The following TRPM7 variants were observed in gnomAD, a reference collection of about 807,000 sequenced individuals.
TRPM7 encodes the protein transient receptor potential cation channel subfamily M member 7.
In TRPM7, 134 loss-of-function variants were observed where a neutral mutation model predicts 229.7. The ratio of observed to expected loss-of-function variants is 0.58; its 90% CI spans 0.51 to 0.67. TRPM7 has a LOEUF of 0.67. Among genes scored for constraint, TRPM7 ranks in the 30% least tolerant of loss-of-function variants. The probability of loss-of-function intolerance (pLI) is 0.00; values close to 1 mark genes in which losing one functional copy is unlikely to be tolerated. For missense variants in TRPM7, 1,901 were observed against 2,210.0 expected (o/e 0.86, Z 2.80); for synonymous variants, 699 against 715.2 (o/e 0.98, Z 0.36).
chr15:50,681,294 A>ACACACACACACACACAC (rs1567131460), intron 1 of TRPM7, among the ~76,000 whole-genome samples: 1 of 101,912 alleles, frequency 9.8e-6, no homozygotes, highest in African/African-American at 5.3e-5. Context: ...CACACACACA[A>ACACACACACACACACAC]AGCATTCAGA....
chr15:50,597,450 G>C (rs1421283188), intron 22 of TRPM7, among the ~76,000 whole-genome samples: 1 of 152,152 alleles, frequency 6.6e-6, no homozygotes, highest in Non-Finnish European at 1.5e-5. Context: ...GGTTTTACGG[G>C]CAAATTAATG....
intron 3 of TRPM7, among the ~76,000 whole-genome samples, chr15:50,654,614 GCA>G (rs2061506840): frequency 6.6e-6 from 1 of 151,450 alleles, no homozygotes; most frequent in Non-Finnish European, 1.5e-5. Context: ...TAATGAGAGT[GCA>G]CATGGTGCAT....
intron 28 of TRPM7, among the ~76,000 whole-genome samples, chr15:50,583,720 G>A (rs983437964): frequency 6.6e-6 from 1 of 151,982 alleles, no homozygotes; most frequent in Admixed American, 6.6e-5. Flanking sequence ...GGCATTACAG[G>A]CATGTGCCAC....
chr15:50,581,124 A>C (rs961674142), intron 29 of TRPM7, among the ~76,000 whole-genome samples: 2 of 152,210 alleles, frequency 1.3e-5, no homozygotes, highest in African/African-American at 4.8e-5. Context: ...TGGAATAAAA[A>C]ATTCTGTTAT....
At chr15:50,583,219 T>C (rs1596096531) in intron 28 of TRPM7, 60 bp from the exon 29 acceptor site, 3 of 1,221,326 alleles carry the variant, frequency 2.5e-6, no homozygotes, top group East Asian at 2.4e-5. Context: ...GAATACCAAC[T>C]AACCAAACAC....
chr15:50,681,133 C>T (rs970497283), intron 1 of TRPM7, among the ~76,000 whole-genome samples: 2 of 152,088 alleles, frequency 1.3e-5, no homozygotes, highest in African/African-American at 4.8e-5. Flanking sequence ...TGCCTGTAAT[C>T]CCAGCTACTC....
chr15:50,596,162 AT>A, intron 23 of TRPM7, 92 bp downstream of exon 23: 1 of 903,796 alleles, frequency 1.1e-6, no homozygotes, highest in Non-Finnish European at 1.5e-6. Flanking sequence ...CCTCAATAAA[AT>A]TTTTAGATTT....
In TRPM7 at chr15:50,609,930, A is replaced by G; in HGVS notation, c.2312T>C (p.Ile771Thr). ...CTTAGTTTTATACTCTAACAGCAAT[A>G]TGGCAGGTGGAACTAAAATGCTTAG... ...VILSILVPPA[I>T]LLLEYKTKAE... The change falls in exon 18 of 39, where the codon ATA becomes ACA. Residue 771 changes from isoleucine to threonine, a missense_variant. Physicochemically the swap from Ile to Thr is moderately conservative, Grantham distance 89. Transcript: ENST00000646667. 6.2e-7 allele frequency: 1 copy of G among 1,609,032 alleles called. No individual in the cohort carries two copies. Among genetic ancestry groups the G allele is most frequent in the Non-Finnish European group, 8.5e-7 (1 of 1,177,690 alleles).
chr15:50,576,157 C>G (rs1354937115), intron 31 of TRPM7, among the ~76,000 whole-genome samples: 2 of 152,198 alleles, frequency 1.3e-5, no homozygotes, highest in Non-Finnish European at 2.9e-5. Context: ...ATGCTGCACA[C>G]TATCCTAACT....
Position 50,624,291 on chromosome 15 carries a change from A to C in TRPM7, c.1315T>G (p.Leu439Val). 1 of 1,604,366 alleles carries C rather than the reference A, an allele frequency of 6.2e-7. No homozygotes were observed. Among genetic ancestry groups the C allele is most frequent in the Non-Finnish European group, 8.5e-7 (1 of 1,176,738 alleles). The change falls in exon 12 of 39, where the codon TTG becomes GTG. Residue 439 changes from leucine (L) to valine (V), a missense_variant. Transcript: ENST00000646667. ...VYGQQWLVGS[L>V]EQAMLDALVM... is the part of the protein sequence containing the mutation. ...AGAGCATCAAGCATAGCTTGTTCCA[A>C]GGATCCAACCTAGGAGTATCAAATT... is the stretch of plus-strand genomic sequence containing the variant.
At position 50,648,774 on chromosome 15, in the gene TRPM7, C is replaced by T; in HGVS notation, c.234G>A (p.Trp78Ter). The T allele has an allele frequency of 6.2e-7, 1 of 1,613,632 alleles. No individual in the cohort carries two copies. The highest frequency in any genetic ancestry group is 1.7e-5 in the Admixed American group (1 of 59,968). Residue 78 changes from tryptophan to a stop codon, truncating the protein, a stop_gained, in exon 4 of 39, where the codon TGG (tryptophan) becomes TGA (stop). Transcript: ENST00000646667. LOFTEE classifies it high-confidence loss of function. ...GDHFNQAIEE[W>*]SVEKHTEQSP... ...TCTGTTCTGTATGCTTTTCCACAGA[C>T]CATTCTTCTATTGCCTGATTAAAAT...
At chr15:50,610,276 T>C (rs1016244402) in intron 17 of TRPM7, among the ~76,000 whole-genome samples, 1 of 152,140 alleles carries the variant, frequency 6.6e-6, no homozygotes, top group African/African-American at 2.4e-5. Flanking sequence ...GTTCAAAAAA[T>C]ACATTTTGTT....
intron 28 of TRPM7, 22 bp downstream of exon 28, chr15:50,586,370 T>C: frequency 6.9e-7 from 1 of 1,455,042 alleles, no homozygotes; most frequent in Non-Finnish European, 9.6e-7. Flanking sequence ...TCTGACACTA[T>C]TCATATGGTC....
chr15:50,614,772 G>A (rs983957236), intron 13 of TRPM7, among the ~76,000 whole-genome samples: 4 of 151,938 alleles, frequency 2.6e-5, no homozygotes, highest in African/African-American at 9.7e-5. Context: ...AAAAATATGG[G>A]ATTCTAAAGT....
chr15:50,644,014 A>G (rs2061188079), intron 4 of TRPM7, among the ~76,000 whole-genome samples: 1 of 152,220 alleles, frequency 6.6e-6, no homozygotes, highest in Admixed American at 6.5e-5. Flanking sequence ...TATTTGTATG[A>G]AAGTTTGGCA....
chr15:50,632,747 A>G, intron 9 of TRPM7, 122 bp downstream of exon 9: 1 of 939,166 alleles, frequency 1.1e-6, no homozygotes, highest in Non-Finnish European at 1.5e-6. Flanking sequence ...TTTTATGGTT[A>G]ATAAAGATTT....
chr15:50,635,649 C>T (rs181567811), intron 7 of TRPM7, among the ~76,000 whole-genome samples: 1 of 116,820 alleles, frequency 8.6e-6, no homozygotes, highest in South Asian at 2.7e-4. Context: ...AGCAACAGAG[C>T]AAGACTCCAT....
Position 50,643,371 on chromosome 15 carries a change from T to C in TRPM7, c.504A>G (p.Gly168=). 6.2e-7 allele frequency: 1 copy of C among 1,614,152 alleles called. No individual in the cohort carries two copies. The highest frequency in any genetic ancestry group is 8.5e-7 in the Non-Finnish European group (1 of 1,180,016). ...TTACTCCTCCAGTTAAAATCCAGGC[T>C]CCAGTTGTAACTGCAGCTTTAATAA... ...KGLIKAAVTT[G]AWILTGGVNT... Residue 168 remains glycine (G), a synonymous_variant, in exon 5 of 39, where the codon GGA becomes GGG. Coordinates refer to ENST00000646667, the MANE Select transcript of TRPM7 (RefSeq NM_017672.6).
intron 21 of TRPM7, among the ~76,000 whole-genome samples, chr15:50,602,038 T>C (rs1015242552): frequency 2.0e-5 from 3 of 151,740 alleles, no homozygotes; most frequent in African/African-American, 4.8e-5. Context: ...ACTGGGTATA[T>C]ACCCAAAGGA....
Sources: gnomAD v4.1 joint callset for allele counts (sites outside exome capture counted in the v4.1 genomes callset) on GRCh38, gnomAD v4.1.1 for gene constraint, MANE v1.5 for transcripts, NCBI Gene and HGNC (gene_info 2026-07-23, HGNC 2026-07-21) for gene names.